The following INPP4B variants were observed in gnomAD, a reference collection of about 807,000 sequenced individuals.
INPP4B encodes the protein inositol polyphosphate 4-phosphatase type II.
INPP4B carries 55 observed loss-of-function variants against 122.5 expected under a neutral mutation model. The ratio of observed to expected loss-of-function variants is 0.45; its 90% confidence interval spans 0.36 to 0.56. The LOEUF (loss-of-function observed/expected upper bound fraction) is 0.56. Ranked by LOEUF, INPP4B falls within the 20% of genes least tolerant of loss-of-function variation. The probability of loss-of-function intolerance (pLI) is 0.00; values close to 1 mark genes in which losing one functional copy is unlikely to be tolerated. For missense variants in INPP4B, 1,000 were observed against 1,097.7 expected (o/e 0.91, Z 1.26); for synonymous variants, 403 against 388.7 (o/e 1.04, Z -0.43).
intron 2 of INPP4B, among the ~76,000 whole-genome samples, chr4:142,529,328 C>T (rs552245545): frequency 1.3e-5 from 2 of 152,038 alleles, no homozygotes; most frequent in East Asian, 3.9e-4. Flanking sequence ...TATTAAAATA[C>T]TTTTTTATTT....
chr4:142,461,279 C>G (rs777373970), intron 3 of INPP4B, among the ~76,000 whole-genome samples: 4 of 152,162 alleles, frequency 2.6e-5, no homozygotes, highest in Admixed American at 6.5e-5. Flanking sequence ...AAGACTTTTT[C>G]AGAAGCCTCC....
chr4:142,114,823 T>C (rs906750580), intron 21 of INPP4B, among the ~76,000 whole-genome samples: 2 of 152,016 alleles, frequency 1.3e-5, no homozygotes, highest in Admixed American at 6.6e-5. Context: ...TTTTGTGTCA[T>C]GTCTAAGAAC....
chr4:142,792,886 T>G (rs1210821105), intron 1 of INPP4B, among the ~76,000 whole-genome samples: 1 of 152,032 alleles, frequency 6.6e-6, no homozygotes. Context: ...TTATCAAAAG[T>G]AGATCTCAAA....
chr4:142,499,085 C>T (rs2149812596), intron 2 of INPP4B, among the ~76,000 whole-genome samples: 1 of 152,260 alleles, frequency 6.6e-6, no homozygotes, highest in African/African-American at 2.4e-5. Context: ...CCTGTAGGGA[C>T]TGGTTATCAG....
chr4:142,410,145 T>C (rs1044438630), intron 5 of INPP4B, among the ~76,000 whole-genome samples: 1 of 152,214 alleles, frequency 6.6e-6, no homozygotes, highest in Non-Finnish European at 1.5e-5. Context: ...TCAGCAATAA[T>C]CAATTTGAAG....
At chr4:142,079,712 A>G (rs1332576181) in intron 25 of INPP4B, among the ~76,000 whole-genome samples, 2 of 152,128 alleles carry the variant, frequency 1.3e-5, no homozygotes, top group Non-Finnish European at 2.9e-5. Context: ...TGATGCTTCC[A>G]TAATTAACAC....
chr4:142,694,391 G>A (rs539836195), intron 2 of INPP4B, among the ~76,000 whole-genome samples: 27 of 145,358 alleles, frequency 1.9e-4, no homozygotes, highest in East Asian at 2.0e-4. Context: ...AAACAAAAAA[G>A]AAAAAAAGAA....
chr4:142,780,583 G>A (rs970885240), intron 1 of INPP4B, among the ~76,000 whole-genome samples: 1 of 152,092 alleles, frequency 6.6e-6, no homozygotes, highest in African/African-American at 2.4e-5. Flanking sequence ...CAGATCATGA[G>A]ATCAGGAGTT....
chr4:142,570,627 T>C (rs544005800), intron 2 of INPP4B, among the ~76,000 whole-genome samples: 2 of 152,202 alleles, frequency 1.3e-5, no homozygotes, highest in African/African-American at 4.8e-5. Context: ...ATTTAAAGTA[T>C]ATTTAAAGAA....
At chr4:142,268,148 C>T (rs1320927457) in intron 10 of INPP4B, among the ~76,000 whole-genome samples, 1 of 150,332 alleles carries the variant, frequency 6.7e-6, no homozygotes, top group East Asian at 2.0e-4. Context: ...ACGGTGAAAC[C>T]CCGTCTCTAC....
At chr4:142,117,961 C>T (rs1254021258) in intron 21 of INPP4B, among the ~76,000 whole-genome samples, 1 of 152,142 alleles carries the variant, frequency 6.6e-6, no homozygotes, top group African/African-American at 2.4e-5. Context: ...GATACAAAAT[C>T]AATGTACAAA....
intron 25 of INPP4B, among the ~76,000 whole-genome samples, chr4:142,043,823 G>A (rs907920079): frequency 4.6e-5 from 7 of 152,168 alleles, no homozygotes; most frequent in Non-Finnish European, 1.0e-4. Flanking sequence ...GAAGACTTAT[G>A]AGCAGCAAAG....
chr4:142,835,090 A>G (rs189658407), intron 1 of INPP4B, among the ~76,000 whole-genome samples: 194 of 152,348 alleles, frequency 1.3e-3, no homozygotes, highest in Admixed American at 1.9e-3. Context: ...AAAGGTAAAT[A>G]TGGTCCTTCC....
rs564302956 is a variant in INPP4B at position 142,775,477 on chromosome 4, C to T, written c.-253-49576G>A. On this transcript the variant is annotated intron_variant, in intron 1 of 25. Transcript: ENST00000262992. Reference sequence around the variant, plus strand: ...CTTTTGTATGCTTACTTACCCTCTGCATATTTTGTTCCCTTCCCTTCCCTT... The same window carrying T: ...CTTTTGTATGCTTACTTACCCTCTGTATATTTTGTTCCCTTCCCTTCCCTT... Among the ~76,000 whole-genome samples the T allele has an allele frequency of 8.6e-5, 13 of 151,152 alleles. No homozygotes were observed. The East Asian group carries it at 9.8e-4, about 11-fold the overall frequency.
intron 2 of INPP4B, among the ~76,000 whole-genome samples, chr4:142,651,219 C>G (rs1200026420): frequency 6.6e-6 from 1 of 152,008 alleles, no homozygotes; most frequent in Non-Finnish European, 1.5e-5. Flanking sequence ...ACAGCTAAAG[C>G]CATGTTTGGA....
At chr4:142,185,579 T>A (rs1832803543) in intron 15 of INPP4B, among the ~76,000 whole-genome samples, 1 of 151,830 alleles carries the variant, frequency 6.6e-6, no homozygotes, top group African/African-American at 2.4e-5. Flanking sequence ...AGTTTCTTAG[T>A]TAAGAAAGAA....
chr4:142,409,589 A>G (rs1804180003), intron 5 of INPP4B, among the ~76,000 whole-genome samples: 1 of 152,158 alleles, frequency 6.6e-6, no homozygotes. Flanking sequence ...TAAAGACTCA[A>G]TATGTCCAGG....
At chr4:142,350,479 C>A (rs1394967519) in intron 7 of INPP4B, among the ~76,000 whole-genome samples, 1 of 151,964 alleles carries the variant, frequency 6.6e-6, no homozygotes, top group Non-Finnish European at 1.5e-5. Flanking sequence ...TAATGTAATT[C>A]AAATTCTCAC....
chr4:142,066,456 C>A (rs372798175), intron 25 of INPP4B, among the ~76,000 whole-genome samples: 2 of 152,140 alleles, frequency 1.3e-5, no homozygotes, highest in Non-Finnish European at 2.9e-5. Context: ...GCTGGACCCA[C>A]GTGTGGAGTT....
Sources: allele counts gnomAD v4.1 joint callset (sites outside exome capture counted in the v4.1 genomes callset), GRCh38; gene constraint gnomAD v4.1.1; transcripts MANE v1.5; gene names NCBI Gene and HGNC (gene_info 2026-07-23, HGNC 2026-07-21).